Variants in DNM2 observed in about 807,000 individuals in gnomAD.
DNM2 encodes dynamin-2.
A neutral mutation model predicts 99.0 loss-of-function variants in DNM2; 15 were observed. That is an observed-to-expected ratio of 0.15 (90% CI 0.10 to 0.23). DNM2 has a LOEUF of 0.23. Ranked by LOEUF, DNM2 falls within the 10% of genes least tolerant of loss-of-function variation. DNM2 has a pLI of 1.00. For missense variants in DNM2, 742 were observed against 1,189.4 expected (o/e 0.62, Z 5.53); for synonymous variants, 525 against 481.2 (o/e 1.09, Z -1.19).
rs986319794 is a variant in DNM2, at chr19:10,795,136, G to A, written c.1129-236G>A. 5.3e-5 allele frequency among the ~76,000 whole-genome samples: 8 copies of A among 152,144 alleles called. No individual in the cohort carries two copies. Among genetic ancestry groups the A allele is most frequent in the African/African-American group, 1.9e-4 (8 of 41,438 alleles). ...GGGTCTCACTATGTTGCCCAGGCTGGTCTCAAACTCCTGGGCTCAAGCCAT... is the reference window on the plus strand; with the variant it reads ...GGGTCTCACTATGTTGCCCAGGCTGATCTCAAACTCCTGGGCTCAAGCCAT... On this transcript the variant is annotated intron_variant, in intron 8 of 20. Transcript: ENST00000389253. This position sits in a 1 kb window ranked among gnomAD's most constrained non-coding sequence, Gnocchi z 4.2.
intron 1 of DNM2, among the ~76,000 whole-genome samples, chr19:10,757,310 AG>A (rs1378560824): frequency 6.6e-6 from 1 of 152,206 alleles, no homozygotes; most frequent in Non-Finnish European, 1.5e-5. Flanking sequence ...GTGGTGGGAC[AG>A]CCCCCCGGCT....
rs1246894870 is a variant in DNM2, at chr19:10,749,771, G to A, written c.162-9967G>A. 2.6e-5 allele frequency among the ~76,000 whole-genome samples: 4 copies of A among 152,244 alleles called. No homozygotes were observed. In the East Asian group the frequency reaches 5.8e-4, roughly 22 times the overall value. On this transcript the variant is annotated intron_variant, in intron 1 of 20. Coordinates refer to ENST00000389253, the MANE Select transcript of DNM2 (RefSeq NM_001005361.3). The stretch of plus-strand genomic sequence containing the variant: ...AGCAGTGACCAGGCCAGGTGCAGAA[G>A]TCTTGGCGTGTCACAGGACTAGACC...
At chr19:10,804,042 G>A (rs181509656) in intron 12 of DNM2, among the ~76,000 whole-genome samples, 3 of 152,220 alleles carry the variant, frequency 2.0e-5, no homozygotes. Flanking sequence ...GGGAAGGAAG[G>A]CTACCAGACC....
rs531979623 is a variant in DNM2 at position 10,818,273 on chromosome 19, A to G, written c.1672-1707A>G. On this transcript the variant is annotated intron_variant, in intron 15 of 20. Coordinates refer to ENST00000389253, the MANE Select transcript of DNM2 (RefSeq NM_001005361.3). The surrounding 1 kb of genome is among the most constrained non-coding windows in gnomAD (Gnocchi z 4.3). ...CCCTCTCCTATGCTCTGCTCCCTCC[A>G]TGGCCACCGGGCCCCTCTTCCTATG... 1.4e-4 allele frequency among the ~76,000 whole-genome samples: 16 copies of G among 117,990 alleles called. No individual in the cohort carries two copies. In the South Asian group the frequency reaches 4.7e-3, roughly 35 times the overall value. The allele number at this position is 117,990 out of a possible 152,430, so 77.4% of individuals were successfully genotyped here. A position where few individuals can be genotyped will look rare whatever the true frequency, so the allele number is the denominator to read the frequency against.
intron 6 of DNM2, among the ~76,000 whole-genome samples, chr19:10,783,696 A>AT (rs1373476449): frequency 5.0e-4 from 67 of 134,446 alleles, no homozygotes; most frequent in Non-Finnish European, 5.1e-4. Context: ...TATTATTATT[A>AT]TTATTATTAT....
At chr19:10,823,743 A>G in intron 16 of DNM2, 45 bp from the exon 17 acceptor site, 1 of 1,572,840 alleles carries the variant, frequency 6.4e-7, no homozygotes, top group Non-Finnish European at 8.7e-7. Flanking sequence ...TGCCAGACCC[A>G]TGGCAGGGTC....
At chr19:10,725,828 A>G (rs1170481042) in intron 1 of DNM2, among the ~76,000 whole-genome samples, 1 of 151,918 alleles carries the variant, frequency 6.6e-6, no homozygotes, top group East Asian at 1.9e-4. Flanking sequence ...ATCATGGCTC[A>G]CTGCAGCCTC....
chr19:10,775,352 G>A lies in DNM2; in HGVS notation c.386-351G>A, dbSNP rs1403965295. Among the ~76,000 whole-genome samples, 2 of 152,210 alleles carry A rather than the reference G, an allele frequency of 1.3e-5. No individual in the cohort carries two copies. Among genetic ancestry groups the A allele is most frequent in the Non-Finnish European group, 2.9e-5 (2 of 68,038 alleles). On this transcript the variant is annotated intron_variant, in intron 3 of 20. Coordinates refer to ENST00000389253, the MANE Select transcript of DNM2 (RefSeq NM_001005361.3). The surrounding 1 kb of genome is among the most constrained non-coding windows in gnomAD (Gnocchi z 4.3). ...CCACCTCGGCCTCCCAAAGTGCTGG[G>A]ATTGCAGATGTGAGCCACCGCACCC...
intron 4 of DNM2, among the ~76,000 whole-genome samples, chr19:10,776,576 G>A (rs2071163232): frequency 1.3e-5 from 2 of 152,216 alleles, no homozygotes; most frequent in South Asian, 4.1e-4. Flanking sequence ...CAGGCCCTCA[G>A]CCCCCGTGGG....
chr19:10,799,318 T>G (rs890570390), intron 11 of DNM2, among the ~76,000 whole-genome samples: 2 of 152,086 alleles, frequency 1.3e-5, no homozygotes, highest in African/African-American at 4.8e-5. Flanking sequence ...TCCCACAACG[T>G]AAGGCCCATT....
intron 7 of DNM2, among the ~76,000 whole-genome samples, chr19:10,792,245 A>C (rs2071777911): frequency 6.6e-6 from 1 of 152,200 alleles, no homozygotes; most frequent in Non-Finnish European, 1.5e-5. Flanking sequence ...TGCCTCTCCC[A>C]GTTGGGGTAT....
At chr19:10,769,835 G>A (rs1215033612) in intron 2 of DNM2, among the ~76,000 whole-genome samples, 2 of 152,254 alleles carry the variant, frequency 1.3e-5, no homozygotes, top group African/African-American at 2.4e-5. Flanking sequence ...TGCTGGACAC[G>A]GTCCTCAGTC....
Position 10,722,565 on chromosome 19 carries a change from A to G in DNM2, c.161+4162A>G, listed in dbSNP as rs538460708. ...TCACCATGTTAGCCAGGATGGTCTC[A>G]ATCTTCTGACCTTGTGATCCGTCCA... On this transcript the variant is annotated intron_variant, in intron 1 of 20. Coordinates refer to ENST00000389253, the MANE Select transcript of DNM2 (RefSeq NM_001005361.3). Among the ~76,000 whole-genome samples the G allele has an allele frequency of 6.6e-5, 10 of 151,472 alleles. No homozygotes were observed. In the East Asian group the frequency reaches 1.4e-3, roughly 21 times the overall value.
At position 10,816,292 on chromosome 19, in the gene DNM2, G is replaced by T. The variant is rs978999314; in HGVS notation, c.1672-3688G>T. Among the ~76,000 whole-genome samples, 1 of 152,142 alleles carries T rather than the reference G, an allele frequency of 6.6e-6. No individual in the cohort carries two copies. Among genetic ancestry groups the T allele is most frequent in the Non-Finnish European group, 1.5e-5 (1 of 68,020 alleles). ...CATCCCGCTCCACATGAGGCCAGAC[G>T]CTCATCTCTGGAATGTTCCTGAAAC... is the stretch of plus-strand genomic sequence containing the variant. On this transcript the variant is annotated intron_variant, in intron 15 of 20. Coordinates refer to ENST00000389253, the MANE Select transcript of DNM2 (RefSeq NM_001005361.3). The surrounding 1 kb of genome is among the most constrained non-coding windows in gnomAD (Gnocchi z 4.6).
At chr19:10,777,506 G>A (rs1425107085) in intron 5 of DNM2, among the ~76,000 whole-genome samples, 1 of 152,160 alleles carries the variant, frequency 6.6e-6, no homozygotes, top group Admixed American at 6.5e-5. Flanking sequence ...AGCCACTGGT[G>A]AATCTGCAGC....
In DNM2 at chr19:10,738,372, T is replaced by G. The variant is rs539425379; in HGVS notation, c.161+19969T>G. ...TGGCTCACGCCCATAGACCCAGCAC[T>G]TTGGGAGGCTGAGGTGGGAGGATTG... is the stretch of plus-strand genomic sequence containing the variant. On this transcript the variant is annotated intron_variant, in intron 1 of 20. Coordinates refer to ENST00000389253, the MANE Select transcript of DNM2 (RefSeq NM_001005361.3). Among the ~76,000 whole-genome samples, 544 of 152,306 alleles carry G rather than the reference T, an allele frequency of 3.6e-3. 2 individuals carry two copies. Among genetic ancestry groups the G allele is most frequent in the Non-Finnish European group, 6.0e-3 (406 of 68,008 alleles).
rs543012647 is a variant in DNM2, at chr19:10,758,195, T to C, written c.162-1543T>C. ...AGGCTACTCCCTCTATCTTCTGGGG[T>C]GGTTGTGCCTGAGTCTTTTCCATTG... On this transcript the variant is annotated intron_variant, in intron 1 of 20. Transcript: ENST00000389253. Among the ~76,000 whole-genome samples, 251 of 152,186 alleles carry C rather than the reference T, an allele frequency of 1.6e-3. 3 individuals are homozygous for C. The highest frequency in any genetic ancestry group is 2.7e-3 in the Non-Finnish European group (182 of 67,982).
In DNM2 at chr19:10,817,261, G is replaced by A. The variant is rs1368598120; in HGVS notation, c.1672-2719G>A. 6.6e-6 allele frequency among the ~76,000 whole-genome samples: 1 copy of A among 152,184 alleles called. No homozygotes were observed. The highest frequency in any genetic ancestry group is 1.5e-5 in the Non-Finnish European group (1 of 68,020). ...GCCAGGGCCTCCAACCCCTCGGCCG[G>A]CCTCGGGGCTCCCTCTGCCTTTCCC... On this transcript the variant is annotated intron_variant, in intron 15 of 20. Coordinates refer to ENST00000389253, the MANE Select transcript of DNM2 (RefSeq NM_001005361.3). This position sits in a 1 kb window ranked among gnomAD's most constrained non-coding sequence, Gnocchi z 4.6.
intron 1 of DNM2, among the ~76,000 whole-genome samples, chr19:10,726,384 A>G (rs1192915685): frequency 1.3e-5 from 2 of 151,924 alleles, no homozygotes; most frequent in South Asian, 2.1e-4. Flanking sequence ...CCTTAAAGAG[A>G]AGGAACTCAT....
Sources: gnomAD v4.1 joint callset for allele counts (sites outside exome capture counted in the v4.1 genomes callset) on GRCh38, gnomAD v4.1.1 for gene constraint, Gnocchi (gnomAD v3.1) non-coding constraint, MANE v1.5 for transcripts, NCBI Gene and HGNC (gene_info 2026-07-23, HGNC 2026-07-21) for gene names.